The following SPAG9 variants were observed in gnomAD, a reference collection of about 807,000 sequenced individuals.
SPAG9 encodes the protein sperm associated antigen 9.
In SPAG9, 35 loss-of-function variants were observed where a neutral mutation model predicts 166.5. The observed-to-expected ratio is 0.21, with a 90% CI of 0.16 to 0.28. The LOEUF (loss-of-function observed/expected upper bound fraction) is 0.28, where lower values mean the gene tolerates loss of function less well. Among genes scored for constraint, SPAG9 ranks in the 10% least tolerant of loss-of-function variants. The probability of loss-of-function intolerance (pLI) is 1.00; values close to 1 mark genes in which losing one functional copy is unlikely to be tolerated. For missense variants in SPAG9, 1,235 were observed against 1,603.3 expected (o/e 0.77, Z 3.92); for synonymous variants, 534 against 565.5 (o/e 0.94, Z 0.79).
chr17:51,059,520 G>A (rs1333161654), intron 2 of SPAG9, among the ~76,000 whole-genome samples: 3 of 151,954 alleles, frequency 2.0e-5, no homozygotes, highest in South Asian at 2.1e-4. Flanking sequence ...TTTGAGAGCC[G>A]AGGTGGGCGG....
intron 19 of SPAG9, among the ~76,000 whole-genome samples, chr17:50,991,948 TTTTTA>T (rs1203421405): frequency 2.2e-5 from 3 of 137,264 alleles, no homozygotes; most frequent in Non-Finnish European, 1.5e-5. Flanking sequence ...TTTTTTTTTT[TTTTTA>T]AAACACAGGG....
At chr17:51,106,954 T>C (rs778137028) in intron 1 of SPAG9, among the ~76,000 whole-genome samples, 2 of 151,182 alleles carry the variant, frequency 1.3e-5, no homozygotes, top group Non-Finnish European at 2.9e-5. Flanking sequence ...ATACAAAAAT[T>C]AGCCAAGCAT....
At chr17:51,004,605 T>G (rs1407379510) in intron 12 of SPAG9, among the ~76,000 whole-genome samples, 1 of 152,044 alleles carries the variant, frequency 6.6e-6, no homozygotes, top group Non-Finnish European at 1.5e-5. Context: ...CAAATTAGAC[T>G]TGTAGTCCCA....
intron 1 of SPAG9, among the ~76,000 whole-genome samples, chr17:51,115,416 CTTTTTTT>C (rs71355714): frequency 7.0e-6 from 1 of 143,002 alleles, no homozygotes; most frequent in African/African-American, 2.6e-5. Flanking sequence ...TGAACTCATC[CTTTTTTT>C]TTTTTTTTTA....
chr17:51,047,554 G>A, intron 3 of SPAG9, 85 bp from the exon 4 acceptor site: 4 of 608,620 alleles, frequency 6.6e-6, no homozygotes, highest in Admixed American at 3.1e-5. Flanking sequence ...AAAACATTTT[G>A]GTACAATTTT....
At chr17:51,039,574 C>T (rs549821450) in intron 5 of SPAG9, among the ~76,000 whole-genome samples, 1 of 152,276 alleles carries the variant, frequency 6.6e-6, no homozygotes, top group Non-Finnish European at 1.5e-5. Context: ...GTTTTAGAAA[C>T]TCTCTGGTGA....
At chr17:51,022,113 A>G (rs1009420094) in intron 6 of SPAG9, among the ~76,000 whole-genome samples, 6 of 129,302 alleles carry the variant, frequency 4.6e-5, no homozygotes, top group African/African-American at 1.9e-4. Flanking sequence ...ACGGAGCTAG[A>G]CTCCATCTCA....
chr17:51,034,438 G>A (rs577325437), intron 5 of SPAG9, among the ~76,000 whole-genome samples: 1 of 152,284 alleles, frequency 6.6e-6, no homozygotes, highest in East Asian at 1.9e-4. Context: ...AGCATCTTAT[G>A]GTGCCAATAA....
rs568698678 is a variant in SPAG9 at position 51,120,112 on chromosome 17, C to A, written c.303+242G>T. ...CCTCAGGCCAGGCTGCCGCTTCCTC[C>A]CCGGGCCCTGCCTCCTCCATCTCGC... is the stretch of plus-strand genomic sequence containing the variant. On this transcript the variant is annotated intron_variant, in intron 1 of 29. Coordinates refer to ENST00000262013, the MANE Select transcript of SPAG9 (RefSeq NM_001130528.3). The surrounding 1 kb of genome is among the most constrained non-coding windows in gnomAD (Gnocchi z 4.7). Among the ~76,000 whole-genome samples, 1 of 152,356 alleles carries A rather than the reference C, an allele frequency of 6.6e-6. No individual in the cohort carries two copies. The highest frequency in any genetic ancestry group is 1.5e-5 in the Non-Finnish European group (1 of 68,022).
In SPAG9 at chr17:51,120,265, C is replaced by T; in HGVS notation, c.303+89G>A. 2 of 1,194,770 alleles carry T rather than the reference C, an allele frequency of 1.7e-6. No homozygotes were observed. Among genetic ancestry groups the T allele is most frequent in the Non-Finnish European group, 2.2e-6 (2 of 899,242 alleles). The allele number at this position is 1,194,770 out of a possible 1,614,324, so 74.0% of individuals were successfully genotyped here. A position where few individuals can be genotyped will look rare whatever the true frequency, so the allele number is the denominator to read the frequency against. ...CAGGCCCGCCCTCCAGGAGGCCCGT[C>T]GCGCCTCTAGTCCCCGACCGGGCCG... On this transcript the variant is annotated intron_variant, in intron 1 of 29. Coordinates refer to ENST00000262013, the MANE Select transcript of SPAG9 (RefSeq NM_001130528.3). This position sits in a 1 kb window ranked among gnomAD's most constrained non-coding sequence, Gnocchi z 4.7.
chr17:50,972,709 G>T (rs930911092), intron 28 of SPAG9, among the ~76,000 whole-genome samples: 1 of 152,220 alleles, frequency 6.6e-6, no homozygotes, highest in Admixed American at 6.5e-5. Flanking sequence ...GTTGAAAGTG[G>T]ATAGGATAGT....
intron 1 of SPAG9, among the ~76,000 whole-genome samples, chr17:51,105,739 G>A (rs1235903273): frequency 2.0e-5 from 3 of 151,680 alleles, no homozygotes; most frequent in African/African-American, 4.8e-5. Context: ...GCATGGTGGC[G>A]GGCGCCTGTA....
Position 51,120,787 on chromosome 17 carries a change from C to A in SPAG9, c.-131G>T, listed in dbSNP as rs1598218249. The A allele has an allele frequency of 1.4e-5, 10 of 694,820 alleles. No individual in the cohort carries two copies. In the South Asian group the frequency reaches 3.0e-4, roughly 21 times the overall value. 43.0% of individuals were successfully genotyped at this position (694,820 alleles called of 1,614,324 possible). On this transcript the variant is annotated 5_prime_UTR_variant, in exon 1 of 30. Coordinates refer to ENST00000262013, the MANE Select transcript of SPAG9 (RefSeq NM_001130528.3). The surrounding 1 kb of genome is among the most constrained non-coding windows in gnomAD (Gnocchi z 4.7). ...AGCCCGGGCCGGGGCTGGGGCTGGG[C>A]CCGGCGGGGTGGGGGCCGGGGCCGG...
In SPAG9 at chr17:50,964,446, G is replaced by C. The variant is rs997012421; in HGVS notation, c.*1826C>G. 5 of 154,998 alleles carry C rather than the reference G, an allele frequency of 3.2e-5. No homozygotes were observed. The highest frequency in any genetic ancestry group is 1.2e-4 in the African/African-American group (5 of 41,376). The allele number at this position is 154,998 out of a possible 1,614,324, so 9.6% of individuals were successfully genotyped here. A position where few individuals can be genotyped will look rare whatever the true frequency, so the allele number is the denominator to read the frequency against. ...CTACTAAAAATACAAAAATTAGCTGGGCAGGGTGGCACACACCTGTAATCC... is the reference window on the plus strand; with the variant it reads ...CTACTAAAAATACAAAAATTAGCTGCGCAGGGTGGCACACACCTGTAATCC... On this transcript the variant is annotated 3_prime_UTR_variant, in exon 30 of 30. Coordinates refer to ENST00000262013, the MANE Select transcript of SPAG9 (RefSeq NM_001130528.3).
Position 51,097,194 on chromosome 17 carries a change from G to A in SPAG9, c.304-17490C>T, listed in dbSNP as rs559421767. Reference sequence around the variant, plus strand: ...AGGGTGACATGTACAGGGAGGGCATGGAAGCTCTGCACCACTACCCCCATA... The same window carrying A: ...AGGGTGACATGTACAGGGAGGGCATAGAAGCTCTGCACCACTACCCCCATA... On this transcript the variant is annotated intron_variant, in intron 1 of 29. Coordinates refer to ENST00000262013, the MANE Select transcript of SPAG9 (RefSeq NM_001130528.3). Among the ~76,000 whole-genome samples, 8 of 152,318 alleles carry A rather than the reference G, an allele frequency of 5.3e-5. No individual in the cohort carries two copies. In the East Asian group the frequency reaches 1.3e-3, roughly 26 times the overall value.
intron 26 of SPAG9, 72 bp downstream of exon 26, chr17:50,979,674 C>T: frequency 6.9e-7 from 1 of 1,447,900 alleles, no homozygotes; most frequent in Non-Finnish European, 9.6e-7. Flanking sequence ...GACCTCATTT[C>T]AATAAACACA....
chr17:51,031,651 T>G, intron 6 of SPAG9, 30 bp downstream of exon 6: 2 of 1,529,370 alleles, frequency 1.3e-6, no homozygotes, highest in Non-Finnish European at 1.8e-6. Context: ...AGTATACTTT[T>G]TGCAAAATGT....
intron 2 of SPAG9, among the ~76,000 whole-genome samples, chr17:51,057,990 TCTA>T (rs1375298694): frequency 6.6e-6 from 1 of 152,252 alleles, no homozygotes; most frequent in Admixed American, 6.5e-5. Flanking sequence ...ATAAACATTT[TCTA>T]CTACTTGTCA....
chr17:51,067,701 T>C (rs1489481625), intron 2 of SPAG9, among the ~76,000 whole-genome samples: 2 of 150,956 alleles, frequency 1.3e-5, no homozygotes, highest in South Asian at 2.1e-4. Flanking sequence ...GCTAATTTTC[T>C]GGGGAGTAAA....
Sources: allele counts gnomAD v4.1 joint callset (sites outside exome capture counted in the v4.1 genomes callset), GRCh38; gene constraint gnomAD v4.1.1; non-coding constraint Gnocchi (gnomAD v3.1); transcripts MANE v1.5; gene names NCBI Gene and HGNC (gene_info 2026-07-23, HGNC 2026-07-21).